Variants in KIF17 observed in about 807,000 individuals in gnomAD.
KIF17 encodes kinesin family member 17, also known as kinesin-like protein KIF17.
In KIF17, 80 loss-of-function variants were observed where a neutral mutation model predicts 96.8. The ratio of observed to expected loss-of-function variants is 0.83; its 90% CI spans 0.69 to 1.00. KIF17 has a LOEUF of 1.00. Ranked by LOEUF, KIF17 falls within the 50% of genes least tolerant of loss-of-function variation. The pLI, the probability that KIF17 is intolerant of heterozygous loss-of-function variation, is 0.00. For missense variants in KIF17, 1,280 were observed against 1,372.9 expected (o/e 0.93, Z 1.07); for synonymous variants, 567 against 587.5 (o/e 0.97, Z 0.51).
chr1:20,713,628 G>A lies in KIF17; in HGVS notation c.379-73C>T, dbSNP rs965226558. Reference sequence around the variant, plus strand: ...ACCTGCTGCCAGGTCTGACCCTGGGGCCTGGGCCCTCTGCCACCAGGACAT... The same window carrying A: ...ACCTGCTGCCAGGTCTGACCCTGGGACCTGGGCCCTCTGCCACCAGGACAT... On this transcript the variant is annotated intron_variant, in intron 2 of 14. Coordinates refer to ENST00000400463, the MANE Select transcript of KIF17 (RefSeq NM_001122819.3). The A allele has an allele frequency of 4.4e-6, 5 of 1,139,530 alleles. No homozygotes were observed. In the Admixed American group the frequency reaches 7.7e-5, roughly 18 times the overall value. The allele number at this position is 1,139,530 out of a possible 1,614,324, so 70.6% of individuals were successfully genotyped here. A position where few individuals can be genotyped will look rare whatever the true frequency, so the allele number is the denominator to read the frequency against.
At chr1:20,665,219 CTTT>C (rs59635021) in intron 14 of KIF17, among the ~76,000 whole-genome samples, 19,802 of 60,196 alleles carry the variant, frequency 0.33, 2,880 homozygotes, top group Non-Finnish European at 0.35. Flanking sequence ...CAAATTTGCT[CTTT>C]TTTTTTTTTT....
chr1:20,692,280 C>T (rs545516495), intron 6 of KIF17, among the ~76,000 whole-genome samples: 2 of 152,242 alleles, frequency 1.3e-5, no homozygotes, highest in East Asian at 3.9e-4. Flanking sequence ...AGAGGCCTTC[C>T]CTGACCATAC....
chr1:20,685,574 G>A lies in KIF17; in HGVS notation c.2019+472C>T, dbSNP rs756130042. Reference sequence around the variant, plus strand: ...GGGCTGCCCCGGCTGCTCCATCTACGCCCTGCTGAGAGCCTGCTGCAGGCC... The same window carrying A: ...GGGCTGCCCCGGCTGCTCCATCTACACCCTGCTGAGAGCCTGCTGCAGGCC... On this transcript the variant is annotated intron_variant, in intron 9 of 14. Transcript: ENST00000400463. This position sits in a 1 kb window ranked among gnomAD's most constrained non-coding sequence, Gnocchi z 4.1. Among the ~76,000 whole-genome samples, 11 of 151,722 alleles carry A rather than the reference G, an allele frequency of 7.3e-5. No homozygotes were observed. Among genetic ancestry groups the A allele is most frequent in the South Asian group, 2.1e-4 (1 of 4,810 alleles).
chr1:20,690,889 G>A (rs1407572406), intron 6 of KIF17, among the ~76,000 whole-genome samples: 2 of 151,882 alleles, frequency 1.3e-5, no homozygotes, highest in Non-Finnish European at 2.9e-5. Context: ...GGGTTTCACT[G>A]TGTTAGCCAG....
intron 6 of KIF17, chr1:20,692,886 G>C (rs2054067097): frequency 6.6e-6 from 1 of 151,014 alleles, no homozygotes; most frequent in Non-Finnish European, 1.5e-5. Flanking sequence ...CAATTCTCCT[G>C]CCTCAGCCTC....
At chr1:20,661,801 G>A (rs1245883935), downstream of KIF17, among the ~76,000 whole-genome samples, 1 of 152,260 alleles carries the variant, frequency 6.6e-6, no homozygotes, top group Non-Finnish European at 1.5e-5. Flanking sequence ...CTGGGCCTGG[G>A]AAGGCTCGGG....
chr1:20,680,770 T>C (rs546268770), intron 11 of KIF17, among the ~76,000 whole-genome samples: 5 of 151,940 alleles, frequency 3.3e-5, no homozygotes, highest in Non-Finnish European at 7.4e-5. Context: ...ATTCAAGATA[T>C]CTACGGGAGA....
intron 1 of KIF17, among the ~76,000 whole-genome samples, chr1:20,716,260 A>AC (rs1491549178): frequency 2.6e-5 from 4 of 151,690 alleles, no homozygotes; most frequent in Admixed American, 6.6e-5. Flanking sequence ...AAAAAAAAAA[A>AC]ATCAATATCT....
intron 1 of KIF17, among the ~76,000 whole-genome samples, chr1:20,716,825 C>G (rs999757968): frequency 6.6e-6 from 1 of 152,302 alleles, no homozygotes; most frequent in Admixed American, 6.5e-5. Context: ...AAGTGGTGAA[C>G]GAGGCAGACA....
At chr1:20,706,228 C>T (rs990512308) in intron 4 of KIF17, among the ~76,000 whole-genome samples, 6 of 150,840 alleles carry the variant, frequency 4.0e-5, no homozygotes, top group East Asian at 2.0e-4. Context: ...CTTTAGTTGA[C>T]AGGTTGGTGG....
intron 10 of KIF17, among the ~76,000 whole-genome samples, chr1:20,684,363 CG>C (rs2154535862): frequency 6.6e-6 from 1 of 152,316 alleles, no homozygotes; most frequent in South Asian, 2.1e-4. Context: ...TCATCATTAA[CG>C]GAAGTGAGAA....
Position 20,666,253 on chromosome 1 carries a change from C to T in KIF17, c.2869G>A (p.Ala957Thr), listed in dbSNP as rs766378781. The T allele has an allele frequency of 6.2e-7, 1 of 1,614,190 alleles. No individual in the cohort carries two copies. Among genetic ancestry groups the T allele is most frequent in the East Asian group, 2.2e-5 (1 of 44,878 alleles). The change falls in exon 14 of 15, where the codon GCC becomes ACC. Residue 957 changes from alanine (A) to threonine (T), a missense_variant. By Grantham distance (58) the Ala-to-Thr change is moderately conservative (BLOSUM62 0). Transcript: ENST00000400463. ...GCGTCTGTGCTGAGGATCTGGCTGG[C>T]CCGCTTAGATCGGAAGTAGTTGCTG... The part of the protein sequence containing the change: ...IASNYFRSKR[A>T]SQILSTDARK...
intron 6 of KIF17, among the ~76,000 whole-genome samples, chr1:20,697,849 G>C (rs1373103234): frequency 6.6e-6 from 1 of 152,176 alleles, no homozygotes; most frequent in Non-Finnish European, 1.5e-5. Context: ...TGCTTCCCAG[G>C]GGTGTTGGGA....
At chr1:20,679,705 CA>C (rs1557586931) in intron 11 of KIF17, among the ~76,000 whole-genome samples, 1 of 152,008 alleles carries the variant, frequency 6.6e-6, no homozygotes, top group East Asian at 1.9e-4. Flanking sequence ...CGACAGTCAG[CA>C]AAAAGATGGG....
rs1467807365 is a variant in KIF17, at chr1:20,699,649, G to C, written c.1124-1161C>G. Among the ~76,000 whole-genome samples, 1 of 152,204 alleles carries C rather than the reference G, an allele frequency of 6.6e-6. No individual in the cohort carries two copies. Among genetic ancestry groups the C allele is most frequent in the Non-Finnish European group, 1.5e-5 (1 of 68,036 alleles). Reference sequence around the variant, plus strand: ...AGCAGCGAGGAGAGGGCGGGCACAGGAGGAGCTTGCTAGACAGGAGGCGCT... The same window carrying C: ...AGCAGCGAGGAGAGGGCGGGCACAGCAGGAGCTTGCTAGACAGGAGGCGCT... On this transcript the variant is annotated intron_variant, in intron 5 of 14. Coordinates refer to ENST00000400463, the MANE Select transcript of KIF17 (RefSeq NM_001122819.3). This position sits in a 1 kb window ranked among gnomAD's most constrained non-coding sequence, Gnocchi z 4.3.
chr1:20,694,525 G>A (rs1005013840), intron 6 of KIF17, among the ~76,000 whole-genome samples: 1 of 152,160 alleles, frequency 6.6e-6, no homozygotes, highest in Non-Finnish European at 1.5e-5. Flanking sequence ...TGCTGACAGA[G>A]GTGCCTGCCA....
chr1:20,681,556 G>C (rs1246020385), intron 11 of KIF17, among the ~76,000 whole-genome samples: 1 of 152,002 alleles, frequency 6.6e-6, no homozygotes, highest in African/African-American at 2.4e-5. Context: ...GGGGGCGAGG[G>C]GGTGGGGAGG....
chr1:20,672,551 GGAGCCTTT>G lies in KIF17; in HGVS notation c.2464-363_2464-356del, dbSNP rs2053666294. On this transcript the variant is annotated intron_variant, in intron 11 of 14. Transcript: ENST00000400463. The surrounding 1 kb of genome is among the most constrained non-coding windows in gnomAD (Gnocchi z 4.3). ...TATCTCCCATTGTACATTTTATTCA[GGAGCCTTT>G]GAGAAGTCCCCACATCCAACACCAC... 2.0e-5 allele frequency among the ~76,000 whole-genome samples: 3 copies of G among 152,138 alleles called. No homozygotes were observed. The highest frequency in any genetic ancestry group is 7.2e-5 in the African/African-American group (3 of 41,422).
At chr1:20,686,320 G>A (rs1217358608) in intron 8 of KIF17, 194 bp from the exon 9 acceptor site, 3 of 623,972 alleles carry the variant, frequency 4.8e-6, no homozygotes, top group East Asian at 3.0e-5. Flanking sequence ...GAGAGGAAAC[G>A]GAAGACAGGC....
Sources: allele counts gnomAD v4.1 joint callset (sites outside exome capture counted in the v4.1 genomes callset), GRCh38; gene constraint gnomAD v4.1.1; non-coding constraint Gnocchi (gnomAD v3.1); transcripts MANE v1.5; gene names NCBI Gene and HGNC (gene_info 2026-07-23, HGNC 2026-07-21).